The following PTN variants were observed in gnomAD, a reference collection of about 807,000 sequenced individuals.
The protein encoded by PTN is pleiotrophin.
Under a neutral mutation model 24.1 loss-of-function variants are expected in PTN, and 18 were observed. The observed-to-expected ratio is 0.75, with a 90% CI of 0.52 to 1.11. The LOEUF is 1.11. PTN is among the 50% of genes least tolerant of loss of function. The pLI is 0.00. For missense variants in PTN, 163 were observed against 198.8 expected, an observed-to-expected ratio of 0.82 and a Z score of 1.08; for synonymous variants, 78 against 68.6, an observed-to-expected ratio of 1.14 and a Z score of -0.67.
chr7:137,285,880 G>A (rs1180389427), intron 1 of PTN, among the ~76,000 whole-genome samples: 1 of 152,164 alleles, frequency 6.6e-6, no homozygotes, highest in Non-Finnish European at 1.5e-5. Context: ...AGACTGACCA[G>A]CCAAACCCAA....
intron 1 of PTN, among the ~76,000 whole-genome samples, chr7:137,340,415 T>C (rs567897038): frequency 1.3e-5 from 2 of 152,190 alleles, no homozygotes; most frequent in Non-Finnish European, 2.9e-5. Context: ...TGCCGCACAC[T>C]AGACTGGCTT....
At chr7:137,259,862 T>C (rs1456692160) in intron 1 of PTN, among the ~76,000 whole-genome samples, 1 of 152,054 alleles carries the variant, frequency 6.6e-6, no homozygotes, top group Non-Finnish European at 1.5e-5. Flanking sequence ...TGTTGCAATG[T>C]TGATAATTAG....
chr7:137,268,501 G>A (rs796182999), intron 1 of PTN, among the ~76,000 whole-genome samples: 10 of 152,256 alleles, frequency 6.6e-5, no homozygotes, highest in African/African-American at 2.4e-4. Flanking sequence ...ACTCTAAGGG[G>A]GTCCACGTGA....
rs1021260737 is a variant in PTN, at chr7:137,301,969, G to A, written c.-2+41470C>T. 4.0e-5 allele frequency among the ~76,000 whole-genome samples: 6 copies of A among 151,812 alleles called. 1 individual carries two copies. Among genetic ancestry groups the A allele is most frequent in the South Asian group, 4.1e-4 (2 of 4,822 alleles). The stretch of plus-strand genomic sequence containing the variant: ...AGACTTCTAGTAACTGACTATTTTT[G>A]TTATTGTTTTTTCAACATTAAATCT... On this transcript the variant is annotated intron_variant, in intron 1 of 4. Transcript: ENST00000348225.
rs1808820523 is a variant in PTN at position 137,251,223 on chromosome 7, G to C, written c.451+7C>G. 3 of 1,613,782 alleles carry C rather than the reference G, an allele frequency of 1.9e-6. No homozygotes were observed. Among genetic ancestry groups the C allele is most frequent in the Non-Finnish European group, 1.7e-6 (2 of 1,179,728 alleles). Reference sequence around the variant, plus strand: ...ATTAAAATTGTGGTATAATGGCAAGGACTTACCTTGAGGTTTGGGCTTGGT... The same window carrying C: ...ATTAAAATTGTGGTATAATGGCAAGCACTTACCTTGAGGTTTGGGCTTGGT... On this transcript the variant is annotated splice_region_variant and intron_variant, in intron 4 of 4. Transcript: ENST00000348225.
intron 4 of PTN, among the ~76,000 whole-genome samples, chr7:137,247,360 T>A (rs187955507): frequency 1.3e-5 from 2 of 152,238 alleles, no homozygotes; most frequent in African/African-American, 4.8e-5. Flanking sequence ...ATTCAGTCAT[T>A]TGCAACAACA....
At chr7:137,289,972 C>T (rs993681301) in intron 1 of PTN, among the ~76,000 whole-genome samples, 1 of 152,096 alleles carries the variant, frequency 6.6e-6, no homozygotes, top group Non-Finnish European at 1.5e-5. Context: ...TTTCATGCTG[C>T]TGATAAAGAC....
chr7:137,231,091 C>T (rs965453927), intron 4 of PTN, among the ~76,000 whole-genome samples: 2 of 151,816 alleles, frequency 1.3e-5, no homozygotes, highest in African/African-American at 4.8e-5. Flanking sequence ...TGTTAGAGCA[C>T]CTATCTCTAG....
At chr7:137,320,424 C>T (rs1165289183) in intron 1 of PTN, among the ~76,000 whole-genome samples, 1 of 152,206 alleles carries the variant, frequency 6.6e-6, no homozygotes, top group African/African-American at 2.4e-5. Context: ...TCATTTCACA[C>T]TTCTAGGAAA....
intron 1 of PTN, among the ~76,000 whole-genome samples, chr7:137,288,160 G>A (rs1420113201): frequency 1.3e-5 from 2 of 152,138 alleles, no homozygotes; most frequent in African/African-American, 2.4e-5. Context: ...TAATAGTTTA[G>A]TGAGATGAAG....
At chr7:137,338,543 T>C (rs1483180885) in intron 1 of PTN, among the ~76,000 whole-genome samples, 3 of 152,230 alleles carry the variant, frequency 2.0e-5, no homozygotes, top group African/African-American at 7.2e-5. Flanking sequence ...AAAAATGTGA[T>C]CCCTTTGTCA....
intron 1 of PTN, among the ~76,000 whole-genome samples, chr7:137,301,735 A>G (rs1291590940): frequency 6.6e-6 from 1 of 151,908 alleles, no homozygotes; most frequent in South Asian, 2.1e-4. Flanking sequence ...AAAAAATCAA[A>G]CATGCTAACA....
intron 1 of PTN, among the ~76,000 whole-genome samples, chr7:137,343,128 C>A (rs568733786): frequency 6.6e-6 from 1 of 152,216 alleles, no homozygotes; most frequent in East Asian, 1.9e-4. Context: ...AAGATGCACT[C>A]TCCAGCCCAC....
chr7:137,279,970 T>C (rs1187215182), intron 1 of PTN, among the ~76,000 whole-genome samples: 3 of 152,222 alleles, frequency 2.0e-5, no homozygotes, highest in Admixed American at 2.0e-4. Flanking sequence ...TTATTGGACT[T>C]ATCAAATTAA....
intron 4 of PTN, among the ~76,000 whole-genome samples, chr7:137,237,744 A>G (rs1008425893): frequency 6.6e-6 from 1 of 151,278 alleles, no homozygotes; most frequent in Non-Finnish European, 1.5e-5. Flanking sequence ...AGACCCAGCA[A>G]TCTGTCTATA....
At chr7:137,341,089 G>A (rs141724469) in intron 1 of PTN, among the ~76,000 whole-genome samples, 1 of 152,222 alleles carries the variant, frequency 6.6e-6, no homozygotes, top group African/African-American at 2.4e-5. Context: ...ATGACAAATA[G>A]GAATATGGTC....
chr7:137,291,964 C>T (rs1413097138), intron 1 of PTN, among the ~76,000 whole-genome samples: 3 of 152,106 alleles, frequency 2.0e-5, no homozygotes, highest in Admixed American at 2.0e-4. Flanking sequence ...CTTTGGCATC[C>T]TCCTCTAATA....
At chr7:137,300,269 G>A (rs943856261) in intron 1 of PTN, among the ~76,000 whole-genome samples, 1 of 151,916 alleles carries the variant, frequency 6.6e-6, no homozygotes, top group African/African-American at 2.4e-5. Context: ...TTCTAGCAGC[G>A]TAATTTGAGA....
intron 1 of PTN, among the ~76,000 whole-genome samples, chr7:137,294,710 T>G (rs534377308): frequency 6.6e-6 from 1 of 152,094 alleles, no homozygotes; most frequent in Admixed American, 6.6e-5. Context: ...CTACGTATCC[T>G]TGTGGCATGT....
Sources: allele counts gnomAD v4.1 joint callset (sites outside exome capture counted in the v4.1 genomes callset), GRCh38; gene constraint gnomAD v4.1.1; transcripts MANE v1.5; gene names NCBI Gene and HGNC (gene_info 2026-07-23, HGNC 2026-07-21).